Variants in AATF observed in about 807,000 individuals in gnomAD.
AATF encodes apoptosis antagonizing transcription factor, also known as protein AATF.
AATF carries 48 observed loss-of-function variants against 63.7 expected under a neutral mutation model. The observed-to-expected ratio is 0.75, with a 90% CI of 0.60 to 0.96. The LOEUF is 0.96. Among genes scored for constraint, AATF ranks in the 40% least tolerant of loss-of-function variants. The probability of loss-of-function intolerance (pLI) is 0.00; values close to 1 mark genes in which losing one functional copy is unlikely to be tolerated. For missense variants in AATF, 639 were observed against 685.7 expected, an observed-to-expected ratio of 0.93 and a Z score of 0.76; for synonymous variants, 258 against 247.7, an observed-to-expected ratio of 1.04 and a Z score of -0.39.
chr17:37,050,639 G>A lies in AATF; in HGVS notation c.1620-5962G>A, dbSNP rs376936664. Among the ~76,000 whole-genome samples the A allele has an allele frequency of 2.2e-3, 333 of 152,252 alleles. 2 individuals carry two copies. Among genetic ancestry groups the A allele is most frequent in the Non-Finnish European group, 2.6e-3 (175 of 68,024 alleles). ...GACTCTACTTGTAGGGTTTCAGATCGGATCCAGACCCTGCTAGCCGTGAGT... is the reference window on the plus strand; with the variant it reads ...GACTCTACTTGTAGGGTTTCAGATCAGATCCAGACCCTGCTAGCCGTGAGT... On this transcript the variant is annotated intron_variant, in intron 11 of 11. Transcript: ENST00000619387.
At chr17:36,957,515 T>C (rs1049859081) in intron 4 of AATF, among the ~76,000 whole-genome samples, 15 of 152,252 alleles carry the variant, frequency 9.9e-5, no homozygotes, top group Admixed American at 3.9e-4. Flanking sequence ...GAAAGTGTTA[T>C]AGTTTACTAA....
At chr17:36,949,374 G>C (rs2070834816) in intron 1 of AATF, among the ~76,000 whole-genome samples, 158 bp downstream of exon 1, 1 of 152,262 alleles carries the variant, frequency 6.6e-6, no homozygotes, top group African/African-American at 2.4e-5. Flanking sequence ...CCCGGCCTCG[G>C]GAGGAGGGCT....
At chr17:36,989,166 A>G in intron 6 of AATF, 81 bp from the exon 7 acceptor site, 1 of 1,424,912 alleles carries the variant, frequency 7.0e-7, no homozygotes, top group Non-Finnish European at 9.5e-7. Context: ...CTCTGCTGAC[A>G]CAGAAAGATA....
At chr17:36,987,199 C>T (rs2071176333) in intron 5 of AATF, among the ~76,000 whole-genome samples, 2 of 148,394 alleles carry the variant, frequency 1.3e-5, no homozygotes, top group South Asian at 4.2e-4. Context: ...CTGTGTTTCC[C>T]TATCTGGTCT....
At chr17:36,949,972 A>T (rs1290387411) in intron 1 of AATF, among the ~76,000 whole-genome samples, 3 of 152,200 alleles carry the variant, frequency 2.0e-5, no homozygotes, top group Non-Finnish European at 4.4e-5. Flanking sequence ...GAATTCAACT[A>T]GTTTGATAGG....
intron 7 of AATF, 48 bp downstream of exon 7, chr17:36,989,459 G>C (rs2071196580): frequency 6.6e-7 from 1 of 1,512,418 alleles, no homozygotes; most frequent in Admixed American, 1.9e-5. Flanking sequence ...GTTTCTATGA[G>C]GCTTATTAGC....
intron 4 of AATF, among the ~76,000 whole-genome samples, chr17:36,978,580 C>G (rs182728267): frequency 6.6e-6 from 1 of 152,044 alleles, no homozygotes; most frequent in Non-Finnish European, 1.5e-5. Flanking sequence ...CACCAACAAA[C>G]TGGGACAGAA....
At chr17:36,982,589 G>A (rs777904698) in intron 4 of AATF, among the ~76,000 whole-genome samples, 4 of 151,920 alleles carry the variant, frequency 2.6e-5, no homozygotes, top group Non-Finnish European at 5.9e-5. Flanking sequence ...TCCTGACCTC[G>A]TGACCACCCG....
chr17:37,024,382 T>G (rs75971454), intron 10 of AATF, among the ~76,000 whole-genome samples: 1,878 of 152,302 alleles, frequency 0.012, 13 homozygotes, highest in Non-Finnish European at 0.019. Flanking sequence ...GAACTGTAAT[T>G]AATTTGTTTT....
Position 36,949,229 on chromosome 17 carries a change from T to C in AATF, c.91+13T>C. On this transcript the variant is annotated intron_variant, in intron 1 of 11. Coordinates refer to ENST00000619387, the MANE Select transcript of AATF (RefSeq NM_012138.4). ...GACCCCGAGGAAGGTGAGGCCGGAC[T>C]GGGGCAGGCCACGTGCGGAGCGGTG... is the stretch of plus-strand genomic sequence containing the variant. 1 of 1,580,192 alleles carries C rather than the reference T, an allele frequency of 6.3e-7. No homozygotes were observed. Among genetic ancestry groups the C allele is most frequent in the Non-Finnish European group, 8.6e-7 (1 of 1,164,750 alleles).
intron 8 of AATF, among the ~76,000 whole-genome samples, chr17:37,007,160 G>T (rs971492912): frequency 6.6e-6 from 1 of 152,014 alleles, no homozygotes; most frequent in Non-Finnish European, 1.5e-5. Flanking sequence ...ACAAAATCTA[G>T]AAGACTGCTT....
intron 10 of AATF, chr17:37,031,244 A>T (rs952063763): frequency 4.5e-6 from 1 of 221,988 alleles, no homozygotes; most frequent in Non-Finnish European, 9.1e-6. Context: ...TGAACAATAC[A>T]TTGTACAACT....
chr17:37,044,494 A>G (rs975964704), intron 11 of AATF, among the ~76,000 whole-genome samples: 3 of 152,120 alleles, frequency 2.0e-5, no homozygotes, highest in Non-Finnish European at 4.4e-5. Flanking sequence ...TTACATGTCC[A>G]TCACTTCCAA....
intron 11 of AATF, among the ~76,000 whole-genome samples, chr17:37,053,814 C>T (rs2071774720): frequency 6.6e-6 from 1 of 151,972 alleles, no homozygotes; most frequent in Non-Finnish European, 1.5e-5. Flanking sequence ...TGCAGTGAGC[C>T]GAGATTGCGC....
At chr17:37,030,482 A>G (rs2071544079) in intron 10 of AATF, among the ~76,000 whole-genome samples, 1 of 152,154 alleles carries the variant, frequency 6.6e-6, no homozygotes, top group Non-Finnish European at 1.5e-5. Context: ...GGCACATTAT[A>G]ATGAGTAGAA....
rs532217992 is a variant in AATF, at chr17:36,960,481, A to G, written c.832+6574A>G. On this transcript the variant is annotated intron_variant, in intron 4 of 11. Transcript: ENST00000619387. ...GTACATTCACATAGTTCAAAATTCAAAAATACTAAAGACTATATATACAGT... is the reference window on the plus strand; with the variant it reads ...GTACATTCACATAGTTCAAAATTCAGAAATACTAAAGACTATATATACAGT... Among the ~76,000 whole-genome samples the G allele has an allele frequency of 1.2e-4, 19 of 152,328 alleles. 1 individual carries two copies. In the South Asian group the frequency reaches 2.3e-3, roughly 18 times the overall value.
At chr17:36,951,941 G>A (rs2142199740) in intron 2 of AATF, among the ~76,000 whole-genome samples, 1 of 152,140 alleles carries the variant, frequency 6.6e-6, no homozygotes, top group South Asian at 2.1e-4. Context: ...AAACACATGG[G>A]GCTTTTATGT....
intron 1 of AATF, among the ~76,000 whole-genome samples, chr17:36,949,680 C>T (rs2070837404): frequency 6.6e-6 from 1 of 152,232 alleles, no homozygotes; most frequent in African/African-American, 2.4e-5. Flanking sequence ...AGTCTCAAGA[C>T]ACTTGTTCAG....
chr17:37,015,207 A>G (rs973416341), intron 8 of AATF, among the ~76,000 whole-genome samples: 6 of 152,226 alleles, frequency 3.9e-5, no homozygotes, highest in Non-Finnish European at 8.8e-5. Flanking sequence ...TTCTTTAAAT[A>G]TAATTATGCT....
Sources: gnomAD v4.1 joint callset for allele counts (sites outside exome capture counted in the v4.1 genomes callset) on GRCh38, gnomAD v4.1.1 for gene constraint, MANE v1.5 for transcripts, NCBI Gene and HGNC (gene_info 2026-07-23, HGNC 2026-07-21) for gene names.